Variants in ZNF816 observed in about 807,000 individuals in gnomAD.
ZNF816 encodes zinc finger protein 816.
ZNF816 carries 11 observed loss-of-function variants against 8.3 expected under a neutral mutation model. The ratio of observed to expected loss-of-function variants is 1.32; its 90% CI spans 0.83 to 2.19. ZNF816 has a LOEUF of 2.19. Among genes scored for constraint, ZNF816 ranks in the 30% most tolerant of loss-of-function variants. The pLI, the probability that ZNF816 is intolerant of heterozygous loss-of-function variation, is 0.00. For synonymous variants in ZNF816, 255 were observed against 254.5 expected (o/e 1.00, Z -0.02); for missense variants, 710 against 779.3 (o/e 0.91, Z 1.06).
intron 3 of ZNF816, chr19:52,952,443 T>C (rs1052096753): frequency 2.7e-5 from 12 of 449,958 alleles, no homozygotes; most frequent in Non-Finnish European, 3.9e-5. Flanking sequence ...TCATGCTTTC[T>C]ATCTCGTATC....
rs1172866792 is a variant in ZNF816, at chr19:52,950,411, C to T, written c.1364G>A (p.Cys455Tyr). Residue 455 changes from cysteine (C) to tyrosine (Y), a missense_variant, in exon 4 of 4, where the codon TGT (cysteine) becomes TAT (tyrosine). By Grantham distance (194) the Cys-to-Tyr change is radical. Transcript: ENST00000444460. ...ACTGAAACTCCTGCCACATTTATTA[C>T]ACTTGTATGGTTTCTCTCCAGTATG... is the stretch of plus-strand genomic sequence containing the variant. ...RVHTGEKPYK[C>Y]NKCGRSFSRK... 6.2e-7 allele frequency: 1 copy of T among 1,613,550 alleles called. No individual in the cohort carries two copies. Among genetic ancestry groups the T allele is most frequent in the Non-Finnish European group, 8.5e-7 (1 of 1,179,990 alleles).
rs1013504590 is a variant in ZNF816 at position 52,957,153 on chromosome 19, C to A, written c.-15-1049G>T. Among the ~76,000 whole-genome samples, 16 of 152,198 alleles carry A rather than the reference C, an allele frequency of 1.1e-4. No individual in the cohort carries two copies. The highest frequency in any genetic ancestry group is 1.0e-3 in the Admixed American group (16 of 15,280). ...TGCGCTGGGCCGAATAAAGCCACTT[C>A]CTTCTTTAATCCGTTGTCTGAGAGG... is the stretch of plus-strand genomic sequence containing the variant. On this transcript the variant is annotated intron_variant, in intron 1 of 3. Coordinates refer to ENST00000444460, the MANE Select transcript of ZNF816 (RefSeq NM_001202457.3). The surrounding 1 kb of genome is among the most constrained non-coding windows in gnomAD (Gnocchi z 4.6).
chr19:52,949,455 G>T lies in ZNF816; in HGVS notation c.*364C>A. The T allele has an allele frequency of 2.6e-6, 1 of 380,122 alleles. No homozygotes were observed. Among genetic ancestry groups the T allele is most frequent in the South Asian group, 2.8e-5 (1 of 36,242 alleles). The allele number at this position is 380,122 out of a possible 1,614,324, so 23.5% of individuals were successfully genotyped here. A position where few individuals can be genotyped will look rare whatever the true frequency, so the allele number is the denominator to read the frequency against. On this transcript the variant is annotated 3_prime_UTR_variant, in exon 4 of 4. Transcript: ENST00000444460. Reference sequence around the variant, plus strand: ...AAATGAATTTTCTGATGTTCTGCATGGAATGACCACAGAGTGAAGACCTTG... The same window carrying T: ...AAATGAATTTTCTGATGTTCTGCATTGAATGACCACAGAGTGAAGACCTTG...
At chr19:52,959,025 G>A (rs1347335116) in intron 1 of ZNF816, among the ~76,000 whole-genome samples, 1 of 152,254 alleles carries the variant, frequency 6.6e-6, no homozygotes, top group African/African-American at 2.4e-5. Context: ...ACGGCAGTTA[G>A]GGTTTTGATC....
chr19:52,953,501 T>TATA (rs2083479169), intron 2 of ZNF816: 10 of 94,546 alleles, frequency 1.1e-4, no homozygotes, highest in African/African-American at 6.9e-4. Flanking sequence ...TATTTTAATA[T>TATA]TTAATTATAT....
At chr19:52,960,494 A>C (rs1279306831) in intron 1 of ZNF816, among the ~76,000 whole-genome samples, 3 of 152,210 alleles carry the variant, frequency 2.0e-5, no homozygotes, top group Admixed American at 6.5e-5. Context: ...GATCACGTGG[A>C]AACTGCATGC....
chr19:52,951,373 C>G lies in ZNF816; in HGVS notation c.402G>C (p.Lys134Asn), dbSNP rs1430056436. 2 of 1,614,002 alleles carry G rather than the reference C, an allele frequency of 1.2e-6. No homozygotes were observed. The highest frequency in any genetic ancestry group is 1.7e-6 in the Non-Finnish European group (2 of 1,179,990). The change falls in exon 4 of 4, where the codon AAG becomes AAC. Residue 134 changes from lysine to asparagine, a missense_variant. Coordinates refer to ENST00000444460, the MANE Select transcript of ZNF816 (RefSeq NM_001202457.3). ...GHEAPMTKIK[K>N]LTGSTDRSDH... Reference sequence around the variant, plus strand: ...CACTTCGGTCTGTACTACCAGTCAACTTTTTGATTTTTGTCATGGGTGCTT... The same window carrying G: ...CACTTCGGTCTGTACTACCAGTCAAGTTTTTGATTTTTGTCATGGGTGCTT...
In ZNF816 at chr19:52,951,238, T is replaced by C; in HGVS notation, c.537A>G (p.Gln179=). Residue 179 remains glutamine (Q), a synonymous_variant, in exon 4 of 4, where the codon CAA becomes CAG. Transcript: ENST00000444460. ...MFQTKGKISN[Q]LDKSIGASSA... ...AGGAAGCACCGATAGACTTGTCCAA[T>C]TGGTTACTAATTTTCCCTTTAGTCT... 1.2e-6 allele frequency: 2 copies of C among 1,614,130 alleles called. No individual in the cohort carries two copies. Among genetic ancestry groups the C allele is most frequent in the Non-Finnish European group, 1.7e-6 (2 of 1,180,026 alleles).
intron 2 of ZNF816, among the ~76,000 whole-genome samples, chr19:52,955,768 G>C (rs1301070462): frequency 1.3e-5 from 2 of 152,084 alleles, no homozygotes; most frequent in East Asian, 3.9e-4. Flanking sequence ...ACACCATGGG[G>C]CCCACACCCC....
chr19:52,954,828 A>AC (rs2083495845), intron 2 of ZNF816, among the ~76,000 whole-genome samples: 1 of 151,856 alleles, frequency 6.6e-6, no homozygotes, highest in East Asian at 1.9e-4. Flanking sequence ...AAAAAAAAAA[A>AC]AAACCCCATT....
At chr19:52,962,407 T>C (rs938998906) in intron 1 of ZNF816, among the ~76,000 whole-genome samples, 2 of 152,070 alleles carry the variant, frequency 1.3e-5, no homozygotes, top group African/African-American at 4.8e-5. Flanking sequence ...GCCCTCCCAC[T>C]TCCACCACGT....
At chr19:52,954,813 C>A (rs1018016497) in intron 2 of ZNF816, among the ~76,000 whole-genome samples, 868 of 91,106 alleles carry the variant, frequency 9.5e-3, no homozygotes, top group Middle Eastern at 0.012. Context: ...AAAAAACATG[C>A]AAAAAAAAAA....
intron 1 of ZNF816, among the ~76,000 whole-genome samples, chr19:52,960,753 T>C (rs921124418): frequency 6.6e-6 from 1 of 152,076 alleles, no homozygotes; most frequent in Non-Finnish European, 1.5e-5. Flanking sequence ...CTCCCACCGC[T>C]GTGAAGGTAG....
Position 52,950,757 on chromosome 19 carries a change from G to A in ZNF816, c.1018C>T (p.Pro340Ser). The A allele has an allele frequency of 6.2e-7, 1 of 1,613,446 alleles. No individual in the cohort carries two copies. The change falls in exon 4 of 4, where the codon CCT (proline) becomes TCT (serine). Residue 340 changes from proline to serine, a missense_variant. By Grantham distance (74) the Pro-to-Ser change is moderately conservative. Transcript: ENST00000444460. ...TTGCCACACTCATTACACTTGTAAG[G>A]TTTCTCTCCAGTATGAAGTCTACGA... ...CHRRLHTGEK[P>S]YKCNECGKTF...
chr19:52,959,260 A>C lies in ZNF816; in HGVS notation c.-15-3156T>G, dbSNP rs79399410. 3.9e-4 allele frequency among the ~76,000 whole-genome samples: 60 copies of C among 152,368 alleles called. No homozygotes were observed. In the East Asian group the frequency reaches 0.01, roughly 26 times the overall value. On this transcript the variant is annotated intron_variant, in intron 1 of 3. Coordinates refer to ENST00000444460, the MANE Select transcript of ZNF816 (RefSeq NM_001202457.3). Reference sequence around the variant, plus strand: ...ATCATTGGCTAATGAATGCTAGACTAAACAAGTACCAAAGCTTGCTCTGTG... The same window carrying C: ...ATCATTGGCTAATGAATGCTAGACTCAACAAGTACCAAAGCTTGCTCTGTG...
In ZNF816 at chr19:52,951,495, T is replaced by C. The variant is rs1442499005; in HGVS notation, c.280A>G (p.Lys94Glu). The change falls in exon 4 of 4, where the codon AAA becomes GAA. Residue 94 changes from lysine to glutamate, a missense_variant. Coordinates refer to ENST00000444460, the MANE Select transcript of ZNF816 (RefSeq NM_001202457.3). ...CAAAAATCTCCAATGTGATGACTTT[T>C]ATGTCTTTGCAACGTCCCTGTGTGG... is the stretch of plus-strand genomic sequence containing the variant. ...VIHTGTLQRH[K>E]SHHIGDFCFP... 6.2e-7 allele frequency: 1 copy of C among 1,613,800 alleles called. No homozygotes were observed. The highest frequency in any genetic ancestry group is 8.5e-7 in the Non-Finnish European group (1 of 1,179,794).
intron 1 of ZNF816, among the ~76,000 whole-genome samples, chr19:52,960,749 C>A (rs2083549623): frequency 6.6e-6 from 1 of 152,134 alleles, no homozygotes; most frequent in Non-Finnish European, 1.5e-5. Context: ...ACCACTCCCA[C>A]CGCTGTGAAG....
In ZNF816 at chr19:52,951,290, G is replaced by A. The variant is rs11084210; in HGVS notation, c.485C>T (p.Ser162Leu). The A allele has an allele frequency of 0.058, 93,232 of 1,614,062 alleles. 4,472 individuals carry two copies. Among genetic ancestry groups the A allele is most frequent in the East Asian group, 0.23 (10,475 of 44,866 alleles). Residue 162 changes from serine to leucine, a missense_variant, in exon 4 of 4, where the codon TCG becomes TTG. Coordinates refer to ENST00000444460, the MANE Select transcript of ZNF816 (RefSeq NM_001202457.3). ...IKDQLGLSFH[S>L]HLPELHMFQT... is the part of the protein sequence containing the mutation. ...AAACATGTGGAGTTCAGGCAGATGC[G>A]AATGAAAGCTTAATCCAAGCTGATC...
At chr19:52,952,579 AAG>A (rs2083468620) in intron 3 of ZNF816, 170 bp downstream of exon 3, 1 of 1,262,884 alleles carries the variant, frequency 7.9e-7, no homozygotes, top group African/African-American at 1.5e-5. Context: ...CACTCCAAAG[AAG>A]AGTCTCTAAG....
Sources: gnomAD v4.1 joint callset for allele counts (sites outside exome capture counted in the v4.1 genomes callset) on GRCh38, gnomAD v4.1.1 for gene constraint, Gnocchi (gnomAD v3.1) non-coding constraint, MANE v1.5 for transcripts, NCBI Gene and HGNC (gene_info 2026-07-23, HGNC 2026-07-21) for gene names.